Variants in KAZN observed in about 807,000 individuals in gnomAD.
KAZN encodes the protein kazrin.
Under a neutral mutation model 87.4 loss-of-function variants are expected in KAZN, and 40 were observed. That is an observed-to-expected ratio of 0.46 (90% CI 0.36 to 0.60). KAZN has a LOEUF of 0.60. Ranked by LOEUF, KAZN falls within the 20% of genes least tolerant of loss-of-function variation. The probability of loss-of-function intolerance (pLI) is 0.00; values close to 1 mark genes in which losing one functional copy is unlikely to be tolerated. For synonymous variants in KAZN, 466 were observed against 458.3 expected (o/e 1.02, Z -0.22); for missense variants, 898 against 1,073.9 (o/e 0.84, Z 2.29).
At chr1:14,695,510 C>CTTTGTTTTTTTTTTTTTTTTTTTTTTTTT (rs1641545322) in intron 1 of KAZN, among the ~76,000 whole-genome samples, 1 of 85,048 alleles carries the variant, frequency 1.2e-5, no homozygotes. Context: ...TACATTCCAT[C>CTTTGTTTTTTTTTTTTTTTTTTTTTTTTT]TTTTTTTTTT....
At chr1:14,548,836 C>T (rs1159844132) in intron 2 of KAZN, among the ~76,000 whole-genome samples, 2 of 152,208 alleles carry the variant, frequency 1.3e-5, no homozygotes, top group Admixed American at 6.5e-5. Flanking sequence ...TAGGGCATTA[C>T]ACAGGCACGG....
intron 1 of KAZN, among the ~76,000 whole-genome samples, chr1:14,897,160 T>C (rs567177777): frequency 6.6e-5 from 10 of 152,330 alleles, no homozygotes; most frequent in African/African-American, 1.7e-4. Flanking sequence ...CTGAACATTA[T>C]ACTTGTTCAC....
chr1:14,466,034 A>T (rs1361213993), intron 2 of KAZN, among the ~76,000 whole-genome samples: 1 of 152,238 alleles, frequency 6.6e-6, no homozygotes, highest in Non-Finnish European at 1.5e-5. Context: ...ACTTAGGCAC[A>T]CACAAGCGGC....
chr1:14,537,824 G>T (rs924786599), intron 2 of KAZN, among the ~76,000 whole-genome samples: 1 of 152,208 alleles, frequency 6.6e-6, no homozygotes, highest in Non-Finnish European at 1.5e-5. Flanking sequence ...GCAATAGAGG[G>T]AAGATGAGTA....
chr1:15,024,595 G>A (rs1362576068), intron 2 of KAZN, among the ~76,000 whole-genome samples: 2 of 152,236 alleles, frequency 1.3e-5, no homozygotes, highest in Non-Finnish European at 1.5e-5. Context: ...TTGTAGAAAA[G>A]GGGAGGCCTC....
chr1:14,393,294 CACTTCTGCAAAGAACAA>C (rs1348881238), intron 2 of KAZN, among the ~76,000 whole-genome samples: 1 of 152,166 alleles, frequency 6.6e-6, no homozygotes, highest in Admixed American at 6.5e-5. Context: ...ACGCTGAAGT[CACTTCTGCAAAGAACAA>C]AGTAAATGCC....
intron 1 of KAZN, among the ~76,000 whole-genome samples, chr1:14,915,430 G>A (rs142412001): frequency 1.3e-5 from 2 of 152,184 alleles, no homozygotes; most frequent in East Asian, 3.9e-4. Flanking sequence ...CAAATCACAC[G>A]CAGGAAATGG....
At chr1:14,951,125 C>A (rs1212896151) in intron 1 of KAZN, among the ~76,000 whole-genome samples, 1 of 152,154 alleles carries the variant, frequency 6.6e-6, no homozygotes, top group African/African-American at 2.4e-5. Context: ...TAACTGTTAT[C>A]ACCTGGGCAA....
chr1:14,090,031 C>A (rs1643940160), intron 1 of KAZN, among the ~76,000 whole-genome samples: 2 of 150,870 alleles, frequency 1.3e-5, no homozygotes, highest in South Asian at 4.2e-4. Flanking sequence ...TTTCCTGTGG[C>A]AGCTTTTAAG....
intron 2 of KAZN, among the ~76,000 whole-genome samples, chr1:14,384,301 C>T (rs986821685): frequency 1.3e-5 from 2 of 151,892 alleles, no homozygotes; most frequent in Non-Finnish European, 1.5e-5. Context: ...ATTGAATACC[C>T]TTTATTTCCT....
chr1:14,837,333 G>C (rs1414797107), intron 1 of KAZN, among the ~76,000 whole-genome samples: 1 of 152,018 alleles, frequency 6.6e-6, no homozygotes, highest in Non-Finnish European at 1.5e-5. Flanking sequence ...CCGAGTAGCT[G>C]GGATTACAGG....
intron 1 of KAZN, among the ~76,000 whole-genome samples, chr1:14,033,919 A>C (rs1641432171): frequency 6.6e-6 from 1 of 152,220 alleles, no homozygotes; most frequent in Non-Finnish European, 1.5e-5. Context: ...TTCTGTGTTA[A>C]TCCAGTCCAT....
intron 1 of KAZN, among the ~76,000 whole-genome samples, chr1:14,885,023 A>C (rs1653874626): frequency 6.6e-6 from 1 of 152,222 alleles, no homozygotes; most frequent in Non-Finnish European, 1.5e-5. Context: ...AAAGGAGGAC[A>C]CTATTGTTCA....
At chr1:14,433,286 T>C (rs1666188876) in intron 2 of KAZN, among the ~76,000 whole-genome samples, 1 of 152,176 alleles carries the variant, frequency 6.6e-6, no homozygotes, top group East Asian at 1.9e-4. Flanking sequence ...TCTCCTGGCT[T>C]CTACCACCAT....
intron 1 of KAZN, among the ~76,000 whole-genome samples, chr1:14,094,543 G>T (rs1286644500): frequency 6.6e-6 from 1 of 152,120 alleles, no homozygotes; most frequent in Non-Finnish European, 1.5e-5. Flanking sequence ...CACCTTAAAA[G>T]AATTGAGTAG....
intron 2 of KAZN, among the ~76,000 whole-genome samples, chr1:15,005,947 G>A (rs955308834): frequency 2.6e-5 from 4 of 152,138 alleles, no homozygotes; most frequent in Non-Finnish European, 5.9e-5. Flanking sequence ...GTGCCTTACC[G>A]CGACACTGGG....
At chr1:14,349,826 C>A (rs1658391791) in intron 2 of KAZN, among the ~76,000 whole-genome samples, 1 of 152,002 alleles carries the variant, frequency 6.6e-6, no homozygotes, top group African/African-American at 2.4e-5. Flanking sequence ...CAGAGAGGAG[C>A]CATTATGCTT....
intron 2 of KAZN, among the ~76,000 whole-genome samples, chr1:14,985,943 CAGTGAGCCA>C (rs1360996767): frequency 7.2e-6 from 1 of 138,334 alleles, no homozygotes; most frequent in Non-Finnish European, 1.5e-5. Flanking sequence ...GCGGAGGCTG[CAGTGAGCCA>C]AGATCACGCC....
intron 1 of KAZN, among the ~76,000 whole-genome samples, chr1:14,161,951 C>T (rs1430328004): frequency 6.6e-6 from 1 of 152,156 alleles, no homozygotes; most frequent in Non-Finnish European, 1.5e-5. Context: ...AACAGTGGTG[C>T]AACAAGCATA....
Sources: gnomAD v4.1 joint callset for allele counts (sites outside exome capture counted in the v4.1 genomes callset) on GRCh38, gnomAD v4.1.1 for gene constraint, MANE v1.5 for transcripts, NCBI Gene and HGNC (gene_info 2026-07-23, HGNC 2026-07-21) for gene names.